The following CSMD1 variants were observed in gnomAD, a reference collection of about 807,000 sequenced individuals.
The protein encoded by CSMD1 is CUB and sushi domain-containing protein 1.
In CSMD1, 213 loss-of-function variants were observed where a neutral mutation model predicts 417.5. The observed-to-expected ratio is 0.51, with a 90% confidence interval of 0.46 to 0.57. The LOEUF is 0.57. CSMD1 is among the 20% of genes least tolerant of loss of function. The pLI, the probability that CSMD1 is intolerant of heterozygous loss-of-function variation, is 0.00. For missense variants in CSMD1, 6,923 were observed against 4,529.7 expected (o/e 1.53, Z -15.17); for synonymous variants, 2,862 against 1,736.8 (o/e 1.65, Z -16.11).
At chr8:3,066,434 C>G (rs757535421) in intron 49 of CSMD1, among the ~76,000 whole-genome samples, 3 of 152,152 alleles carry the variant, frequency 2.0e-5, no homozygotes, top group African/African-American at 4.8e-5. Context: ...TTTTCCATTA[C>G]GCATTTGAAC....
At chr8:3,195,536 C>T (rs904228533) in intron 33 of CSMD1, among the ~76,000 whole-genome samples, 1 of 152,116 alleles carries the variant, frequency 6.6e-6, no homozygotes, top group South Asian at 2.1e-4. Context: ...TTTTGCATTG[C>T]GTCTAAGAAT....
At chr8:3,028,449 C>T (rs1810108587) in intron 51 of CSMD1, among the ~76,000 whole-genome samples, 1 of 152,140 alleles carries the variant, frequency 6.6e-6, no homozygotes, top group South Asian at 2.1e-4. Context: ...CACTAATAAA[C>T]ACCTGGAAAA....
chr8:4,105,762 C>T (rs537709359), intron 3 of CSMD1, among the ~76,000 whole-genome samples: 1 of 152,206 alleles, frequency 6.6e-6, no homozygotes, highest in South Asian at 2.1e-4. Context: ...AAGCTTATTT[C>T]TCACTGAAGA....
At chr8:4,738,957 G>T (rs561365580) in intron 1 of CSMD1, among the ~76,000 whole-genome samples, 24 of 146,242 alleles carry the variant, frequency 1.6e-4, no homozygotes, top group African/African-American at 5.6e-4. Context: ...ATTTTGAAGG[G>T]CTTGAATAAT....
chr8:4,696,981 G>T (rs1807177154), intron 1 of CSMD1, among the ~76,000 whole-genome samples: 1 of 152,088 alleles, frequency 6.6e-6, no homozygotes, highest in Non-Finnish European at 1.5e-5. Context: ...AGACCAGCCT[G>T]ACGAACATGG....
At chr8:3,116,977 A>C (rs1027503907) in intron 42 of CSMD1, among the ~76,000 whole-genome samples, 2 of 152,154 alleles carry the variant, frequency 1.3e-5, no homozygotes, top group Non-Finnish European at 2.9e-5. Flanking sequence ...AATTAATTTT[A>C]AGTGCTATTT....
At chr8:3,687,542 C>G (rs992106736) in intron 7 of CSMD1, among the ~76,000 whole-genome samples, 3 of 152,178 alleles carry the variant, frequency 2.0e-5, no homozygotes, top group Non-Finnish European at 4.4e-5. Context: ...TCCAGATATT[C>G]TCTGTGTAAA....
intron 3 of CSMD1, among the ~76,000 whole-genome samples, chr8:4,073,206 A>T (rs1799649138): frequency 6.6e-6 from 1 of 152,146 alleles, no homozygotes; most frequent in African/African-American, 2.4e-5. Flanking sequence ...TCACAACAAT[A>T]ACTTGTTTTT....
intron 3 of CSMD1, among the ~76,000 whole-genome samples, chr8:4,166,164 T>C (rs1184609961): frequency 6.6e-6 from 1 of 152,214 alleles, no homozygotes; most frequent in African/African-American, 2.4e-5. Flanking sequence ...TTTAAATTTG[T>C]AGTAGTCTAC....
chr8:4,283,241 T>G (rs977299619), intron 3 of CSMD1, among the ~76,000 whole-genome samples: 1 of 152,156 alleles, frequency 6.6e-6, no homozygotes, highest in Non-Finnish European at 1.5e-5. Flanking sequence ...ACTATCCTTT[T>G]GCAAACAGTT....
chr8:4,324,679 T>C (rs1233616414), intron 3 of CSMD1, among the ~76,000 whole-genome samples: 1 of 152,194 alleles, frequency 6.6e-6, no homozygotes, highest in African/African-American at 2.4e-5. Context: ...TCAGAGGATA[T>C]AAGGGCAAAA....
chr8:3,776,466 C>G (rs1222145625), intron 5 of CSMD1, among the ~76,000 whole-genome samples: 1 of 152,194 alleles, frequency 6.6e-6, no homozygotes, highest in East Asian at 1.9e-4. Context: ...TACTCACACA[C>G]CTAGCTGTGG....
intron 1 of CSMD1, among the ~76,000 whole-genome samples, chr8:4,658,810 T>C (rs1213643615): frequency 2.0e-5 from 3 of 152,178 alleles, no homozygotes; most frequent in Non-Finnish European, 4.4e-5. Flanking sequence ...GGGTTAATGG[T>C]AACACAATTT....
intron 2 of CSMD1, among the ~76,000 whole-genome samples, chr8:4,608,609 C>T (rs528062285): frequency 1.3e-5 from 2 of 152,186 alleles, no homozygotes; most frequent in African/African-American, 2.4e-5. Context: ...ACTACAAATG[C>T]GTCATTTTCG....
chr8:4,440,255 A>G (rs192564085), intron 2 of CSMD1, among the ~76,000 whole-genome samples: 315 of 152,336 alleles, frequency 2.1e-3, no homozygotes, highest in African/African-American at 7.1e-3. Flanking sequence ...TACATATTGT[A>G]TATATTTATA....
chr8:3,263,093 T>G (rs771713142), intron 26 of CSMD1, among the ~76,000 whole-genome samples: 4 of 152,216 alleles, frequency 2.6e-5, no homozygotes, highest in Non-Finnish European at 5.9e-5. Flanking sequence ...ATGTTTTCTC[T>G]TGCATCATCA....
At chr8:3,937,343 A>G (rs1810565557) in intron 5 of CSMD1, among the ~76,000 whole-genome samples, 1 of 152,128 alleles carries the variant, frequency 6.6e-6, no homozygotes, top group African/African-American at 2.4e-5. Context: ...ATATAGAAAT[A>G]TTTCATTAAA....
At position 4,539,980 on chromosome 8, in the gene CSMD1, C is replaced by T. The variant is rs55635840; in HGVS notation, c.302+97362G>A. 2.4e-3 allele frequency among the ~76,000 whole-genome samples: 362 copies of T among 152,300 alleles called. 5 individuals are homozygous for T. The highest frequency in any genetic ancestry group is 8.1e-3 in the African/African-American group (338 of 41,574). On this transcript the variant is annotated intron_variant, in intron 2 of 69. Coordinates refer to ENST00000635120, the MANE Select transcript of CSMD1 (RefSeq NM_033225.6). ...CCCGTCCAGGTGCTGCCTGCAGATG[C>T]CCATGGCTATTGAGCCGCTCACCGG... is the stretch of plus-strand genomic sequence containing the variant.
At chr8:3,763,559 C>T (rs1462316510) in intron 5 of CSMD1, among the ~76,000 whole-genome samples, 1 of 152,182 alleles carries the variant, frequency 6.6e-6, no homozygotes, top group Non-Finnish European at 1.5e-5. Flanking sequence ...AGAAGCCAAG[C>T]AGGTGCTAGC....
Sources: allele counts gnomAD v4.1 joint callset (sites outside exome capture counted in the v4.1 genomes callset), GRCh38; gene constraint gnomAD v4.1.1; transcripts MANE v1.5; gene names NCBI Gene and HGNC (gene_info 2026-07-23, HGNC 2026-07-21).